ADCY9: variants seen among roughly 807,000 people sequenced by gnomAD.
ADCY9 encodes the protein adenylate cyclase 9.
In ADCY9, 50 loss-of-function variants were observed where a neutral mutation model predicts 101.5. That is an observed-to-expected ratio of 0.49 (90% CI 0.39 to 0.62). The LOEUF (loss-of-function observed/expected upper bound fraction) is 0.62, where lower values mean the gene tolerates loss of function less well. Among genes scored for constraint, ADCY9 ranks in the 20% least tolerant of loss-of-function variants. ADCY9 has a pLI of 0.00. For synonymous variants in ADCY9, 905 were observed against 769.3 expected (o/e 1.18, Z -2.92); for missense variants, 1,662 against 1,800.4 (o/e 0.92, Z 1.39).
At chr16:4,102,752 C>T (rs1383092785) in intron 2 of ADCY9, among the ~76,000 whole-genome samples, 1 of 151,488 alleles carries the variant, frequency 6.6e-6, no homozygotes. Context: ...GGCAGAGTCT[C>T]GCTCTGTCGC....
At chr16:3,989,542 C>T (rs993455077) in intron 5 of ADCY9, among the ~76,000 whole-genome samples, 1 of 152,176 alleles carries the variant, frequency 6.6e-6, no homozygotes, top group African/African-American at 2.4e-5. Context: ...CCGCACCCAG[C>T]TAATTTTTGT....
At chr16:4,093,456 C>T (rs1024075423) in intron 2 of ADCY9, among the ~76,000 whole-genome samples, 4 of 152,152 alleles carry the variant, frequency 2.6e-5, no homozygotes, top group African/African-American at 7.2e-5. Context: ...CATGGAATCA[C>T]GCCTTTCAGG....
At chr16:3,960,500 C>T (rs1022714770), downstream of ADCY9, among the ~76,000 whole-genome samples, 1 of 152,046 alleles carries the variant, frequency 6.6e-6, no homozygotes, top group African/African-American at 2.4e-5. Context: ...CCAGCCTGGG[C>T]GAGAGAGCCA....
intron 10 of ADCY9, among the ~76,000 whole-genome samples, chr16:3,969,607 TATGTA>T (rs1265133166): frequency 1.0e-5 from 1 of 99,216 alleles, no homozygotes; most frequent in African/African-American, 4.8e-5. Context: ...TATATATATA[TATGTA>T]TTTTTTTTTT....
chr16:4,065,631 G>A (rs2141164363), intron 2 of ADCY9, among the ~76,000 whole-genome samples: 1 of 152,324 alleles, frequency 6.6e-6, no homozygotes, highest in South Asian at 2.1e-4. Flanking sequence ...CAGGGCAATG[G>A]CGCTATTTTG....
intron 3 of ADCY9, among the ~76,000 whole-genome samples, chr16:3,994,242 G>C (rs2056270000): frequency 6.6e-6 from 1 of 152,118 alleles, no homozygotes; most frequent in Non-Finnish European, 1.5e-5. Flanking sequence ...GTCCTCACTG[G>C]ACACTGAATC....
chr16:4,041,376 C>T (rs1300246456), intron 2 of ADCY9, among the ~76,000 whole-genome samples: 2 of 151,986 alleles, frequency 1.3e-5, no homozygotes, highest in Admixed American at 6.6e-5. Flanking sequence ...TAGTGGTTTA[C>T]GCCTGTCATC....
rs200757700 is a variant in ADCY9 at position 3,963,140 on chromosome 16, ATATG to A, written c.*2631_*2634del. On this transcript the variant is annotated 3_prime_UTR_variant, in exon 11 of 11. Coordinates refer to ENST00000294016, the MANE Select transcript of ADCY9 (RefSeq NM_001116.4). The stretch of plus-strand genomic sequence containing the variant: ...TATATATATATATATATATATATAT[ATATG>A]GATATATAATTCGATCTGAGCTGGG... 5.6e-5 allele frequency: 8 copies of A among 143,092 alleles called. No homozygotes were observed. The highest frequency in any genetic ancestry group is 2.5e-4 in the South Asian group (1 of 3,952). 8.9% of individuals were successfully genotyped at this position (143,092 alleles called of 1,614,324 possible).
At chr16:4,036,560 T>G (rs113464318) in intron 2 of ADCY9, among the ~76,000 whole-genome samples, 3 of 150,096 alleles carry the variant, frequency 2.0e-5, no homozygotes, top group African/African-American at 7.4e-5. Flanking sequence ...CCTCCCAGGT[T>G]CAAGCAATTC....
At chr16:3,999,803 G>T (rs140770434) in intron 3 of ADCY9, among the ~76,000 whole-genome samples, 203 of 152,200 alleles carry the variant, frequency 1.3e-3, no homozygotes, top group African/African-American at 4.8e-3. Context: ...AACACACTTG[G>T]GCACATTTGC....
intron 6 of ADCY9, 47 bp from the exon 7 acceptor site, chr16:3,983,487 G>T: frequency 6.7e-7 from 1 of 1,496,304 alleles, no homozygotes; most frequent in Non-Finnish European, 9.2e-7. Flanking sequence ...GCCATGGGCG[G>T]CCAGGAGCGC....
intron 2 of ADCY9, among the ~76,000 whole-genome samples, chr16:4,100,382 T>A (rs1299518982): frequency 6.6e-6 from 1 of 151,972 alleles, no homozygotes; most frequent in Non-Finnish European, 1.5e-5. Context: ...CAGGCTGGAG[T>A]ACAGTGGCGC....
chr16:3,990,831 C>T (rs1408678413), intron 5 of ADCY9, among the ~76,000 whole-genome samples: 1 of 152,212 alleles, frequency 6.6e-6, no homozygotes, highest in Admixed American at 6.5e-5. Flanking sequence ...TGGAGACTCG[C>T]TCTGTTGCCC....
At chr16:4,027,869 T>G (rs1345038852) in intron 2 of ADCY9, among the ~76,000 whole-genome samples, 1 of 149,012 alleles carries the variant, frequency 6.7e-6, no homozygotes, top group Non-Finnish European at 1.5e-5. Context: ...AAGAGCAAAA[T>G]TCCGTTTCAA....
chr16:4,038,956 C>G (rs918377526), intron 2 of ADCY9, among the ~76,000 whole-genome samples: 2 of 152,254 alleles, frequency 1.3e-5, no homozygotes, highest in African/African-American at 4.8e-5. Context: ...ATAAGCCTTG[C>G]TCTGAAACTC....
Position 3,966,386 on chromosome 16 carries a change from C to G in ADCY9, c.3451G>C (p.Asp1151His). 1.9e-6 allele frequency: 3 copies of G among 1,614,104 alleles called. No individual in the cohort carries two copies. The highest frequency in any genetic ancestry group is 2.5e-6 in the Non-Finnish European group (3 of 1,180,030). ...FAKEMMRVVD[D>H]FNNNMLWFNF... Reference sequence around the variant, plus strand: ...AACCACAGCATGTTGTTGTTGAAGTCGTCCACCACGCGCATCATCTCCTTG... The same window carrying G: ...AACCACAGCATGTTGTTGTTGAAGTGGTCCACCACGCGCATCATCTCCTTG... Residue 1151 changes from aspartate (D) to histidine (H), a missense_variant, in exon 11 of 11, where the codon GAC (aspartate) becomes CAC (histidine). Coordinates refer to ENST00000294016, the MANE Select transcript of ADCY9 (RefSeq NM_001116.4).
intron 2 of ADCY9, among the ~76,000 whole-genome samples, chr16:4,112,846 C>T (rs1390591485): frequency 6.6e-6 from 1 of 152,122 alleles, no homozygotes; most frequent in Non-Finnish European, 1.5e-5. Flanking sequence ...TAGCAGATTA[C>T]TTAAAATCTT....
At chr16:3,972,110 A>T (rs2056057067) in intron 10 of ADCY9, among the ~76,000 whole-genome samples, 1 of 152,250 alleles carries the variant, frequency 6.6e-6, no homozygotes, top group Non-Finnish European at 1.5e-5. Flanking sequence ...AACAGGTACG[A>T]GGACAGCTTC....
intron 2 of ADCY9, among the ~76,000 whole-genome samples, chr16:4,102,869 C>T (rs1288570444): frequency 2.0e-5 from 3 of 151,600 alleles, no homozygotes; most frequent in African/African-American, 7.3e-5. Context: ...TTACAGGTGC[C>T]CACCACCACG....
Sources: gnomAD v4.1 joint callset for allele counts (sites outside exome capture counted in the v4.1 genomes callset) on GRCh38, gnomAD v4.1.1 for gene constraint, MANE v1.5 for transcripts, NCBI Gene and HGNC (gene_info 2026-07-23, HGNC 2026-07-21) for gene names.